Variants in LRRC4C observed in about 807,000 individuals in gnomAD.
The protein encoded by LRRC4C is leucine-rich repeat-containing protein 4C.
LRRC4C carries 5 observed loss-of-function variants against 33.6 expected under a neutral mutation model. The ratio of observed to expected loss-of-function variants is 0.15; its 90% confidence interval spans 0.08 to 0.31. The LOEUF (loss-of-function observed/expected upper bound fraction) is 0.31, where lower values mean the gene tolerates loss of function less well. Among genes scored for constraint, LRRC4C ranks in the 10% least tolerant of loss-of-function variants. The probability of loss-of-function intolerance (pLI) is 1.00; values close to 1 mark genes in which losing one functional copy is unlikely to be tolerated. For synonymous variants in LRRC4C, 329 were observed against 302.0 expected (o/e 1.09, Z -0.93); for missense variants, 560 against 796.7 (o/e 0.70, Z 3.58).
At chr11:41,044,053 G>A (rs1857610851) in intron 1 of LRRC4C, among the ~76,000 whole-genome samples, 1 of 152,088 alleles carries the variant, frequency 6.6e-6, no homozygotes, top group South Asian at 2.1e-4. Flanking sequence ...CAAGATTCCT[G>A]AATTTTGATA....
intron 3 of LRRC4C, among the ~76,000 whole-genome samples, chr11:40,521,900 GAAAAATA>G (rs1401829428): frequency 6.6e-6 from 1 of 151,920 alleles, no homozygotes; most frequent in Non-Finnish European, 1.5e-5. Context: ...AAATAGAAAA[GAAAAATA>G]AAATAAGTAA....
chr11:40,836,684 A>C (rs930115882), intron 2 of LRRC4C, among the ~76,000 whole-genome samples: 1 of 152,108 alleles, frequency 6.6e-6, no homozygotes, highest in South Asian at 2.1e-4. Flanking sequence ...ATTTGACTCA[A>C]CGTCGATGTT....
chr11:41,113,693 A>G (rs1941967304), intron 1 of LRRC4C, among the ~76,000 whole-genome samples: 1 of 151,974 alleles, frequency 6.6e-6, no homozygotes. Context: ...TGAAATCAGC[A>G]CCAAGTTTTC....
At chr11:40,845,793 A>G (rs1953130829) in intron 2 of LRRC4C, among the ~76,000 whole-genome samples, 1 of 152,202 alleles carries the variant, frequency 6.6e-6, no homozygotes, top group Middle Eastern at 3.2e-3. Flanking sequence ...TTACGCTACC[A>G]TCAACAGTGT....
Position 40,217,497 on chromosome 11 carries a change from A to G in LRRC4C, c.-96+24022T>C, listed in dbSNP as rs528265094. 3.9e-5 allele frequency among the ~76,000 whole-genome samples: 6 copies of G among 152,212 alleles called. No individual in the cohort carries two copies. The East Asian group carries it at 9.7e-4, about 24-fold the overall frequency. ...ATTCTATCACGTACTACTTTTGTGT[A>G]TATTTAGATACATTTCTGCATCTCC... On this transcript the variant is annotated intron_variant, in intron 5 of 6. Transcript: ENST00000528697.
intron 6 of LRRC4C, among the ~76,000 whole-genome samples, chr11:40,128,074 C>CTCGCT (rs5791358): frequency 6.6e-6 from 1 of 151,908 alleles, no homozygotes; most frequent in Non-Finnish European, 1.5e-5. Context: ...TAAAATGCCC[C>CTCGCT]GGAGGGTTGG....
Position 41,171,655 on chromosome 11 carries a change from C to T in LRRC4C, c.-495-237932G>A, listed in dbSNP as rs181334228. ...TTAGGAGATATACCCTAAAACTTAACGTATAATAATAATAAAATTTTAAAA... is the reference window on the plus strand; with the variant it reads ...TTAGGAGATATACCCTAAAACTTAATGTATAATAATAATAAAATTTTAAAA... On this transcript the variant is annotated intron_variant, in intron 1 of 6. Coordinates refer to ENST00000528697, the MANE Select transcript of LRRC4C (RefSeq NM_001258419.2). 7.3e-5 allele frequency among the ~76,000 whole-genome samples: 11 copies of T among 151,272 alleles called. No individual in the cohort carries two copies. In the East Asian group the frequency reaches 1.4e-3, roughly 19 times the overall value.
In LRRC4C at chr11:41,085,259, G is replaced by C. The variant is rs552326434; in HGVS notation, c.-495-151536C>G. 1.4e-4 allele frequency among the ~76,000 whole-genome samples: 21 copies of C among 152,122 alleles called. No homozygotes were observed. In the South Asian group the frequency reaches 3.9e-3, roughly 29 times the overall value. On this transcript the variant is annotated intron_variant, in intron 1 of 6. Coordinates refer to ENST00000528697, the MANE Select transcript of LRRC4C (RefSeq NM_001258419.2). ...TGAACATTGATAAATATTTGGAGCA[G>C]GAAAAAAAGTAAACACCACGTCATC... is the stretch of plus-strand genomic sequence containing the variant.
intron 4 of LRRC4C, among the ~76,000 whole-genome samples, chr11:40,264,583 T>C (rs2136287288): frequency 6.6e-6 from 1 of 152,322 alleles, no homozygotes; most frequent in African/African-American, 2.4e-5. Flanking sequence ...TTTTTTTCTG[T>C]GCCGATGAAT....
chr11:40,311,697 A>C (rs4755544), intron 4 of LRRC4C, among the ~76,000 whole-genome samples: 144,438 of 152,126 alleles, frequency 0.95, 69,012 homozygotes, highest in Non-Finnish European at 1. Flanking sequence ...CTGTAATCCC[A>C]GTATTTTGGG....
At chr11:40,175,133 G>C (rs1860366407) in intron 5 of LRRC4C, among the ~76,000 whole-genome samples, 1 of 152,202 alleles carries the variant, frequency 6.6e-6, no homozygotes, top group African/African-American at 2.4e-5. Context: ...TCTATGTTGA[G>C]TACTAACATC....
At chr11:40,610,763 C>A (rs1438978902) in intron 3 of LRRC4C, among the ~76,000 whole-genome samples, 3 of 151,638 alleles carry the variant, frequency 2.0e-5, no homozygotes, top group East Asian at 3.9e-4. Context: ...AGGAAACAGT[C>A]CCATTTATAA....
At chr11:40,186,793 C>T (rs1234432993) in intron 5 of LRRC4C, among the ~76,000 whole-genome samples, 2 of 152,304 alleles carry the variant, frequency 1.3e-5, no homozygotes, top group East Asian at 3.9e-4. Flanking sequence ...GACATTTCTG[C>T]AGTTACCGGC....
chr11:40,557,798 G>A (rs1002148475), intron 3 of LRRC4C, among the ~76,000 whole-genome samples: 5 of 152,058 alleles, frequency 3.3e-5, no homozygotes, highest in Non-Finnish European at 7.4e-5. Context: ...AAGCAGAGAA[G>A]TGAATCCTAT....
At chr11:40,829,056 C>T (rs541021129) in intron 2 of LRRC4C, among the ~76,000 whole-genome samples, 3 of 151,970 alleles carry the variant, frequency 2.0e-5, no homozygotes, top group South Asian at 2.1e-4. Context: ...GCTGTTCATT[C>T]GGCTACCTGA....
chr11:40,184,513 T>C (rs1270352368), intron 5 of LRRC4C, among the ~76,000 whole-genome samples: 2 of 152,004 alleles, frequency 1.3e-5, no homozygotes, highest in African/African-American at 4.8e-5. Context: ...TACCAACAAG[T>C]TAGAAATATG....
chr11:40,290,822 G>A (rs1944143011), intron 4 of LRRC4C, among the ~76,000 whole-genome samples: 1 of 152,074 alleles, frequency 6.6e-6, no homozygotes, highest in African/African-American at 2.4e-5. Context: ...ATGAATGTTG[G>A]AGTTTGTAAC....
intron 1 of LRRC4C, among the ~76,000 whole-genome samples, chr11:41,099,588 A>C (rs77439095): frequency 0.039 from 5,929 of 152,242 alleles, 142 homozygotes; most frequent in Middle Eastern, 0.075. Context: ...ATATAGACAA[A>C]AACCACGTGA....
intron 1 of LRRC4C, among the ~76,000 whole-genome samples, chr11:41,217,846 T>G (rs953660312): frequency 6.6e-6 from 1 of 152,078 alleles, no homozygotes; most frequent in Non-Finnish European, 1.5e-5. Flanking sequence ...TAAAAAAATT[T>G]AAAAACTAAA....
Sources: gnomAD v4.1 joint callset for allele counts (sites outside exome capture counted in the v4.1 genomes callset) on GRCh38, gnomAD v4.1.1 for gene constraint, MANE v1.5 for transcripts, NCBI Gene and HGNC (gene_info 2026-07-23, HGNC 2026-07-21) for gene names.